Variants in TNRC6B observed in about 807,000 individuals in gnomAD.
TNRC6B encodes trinucleotide repeat containing adaptor 6B, also known as trinucleotide repeat-containing gene 6B protein.
TNRC6B carries 52 observed loss-of-function variants against 203.6 expected under a neutral mutation model. The observed-to-expected ratio is 0.26, with a 90% confidence interval of 0.20 to 0.32. TNRC6B has a LOEUF of 0.32. Ranked by LOEUF, TNRC6B falls within the 10% of genes least tolerant of loss-of-function variation. The probability of loss-of-function intolerance (pLI) is 1.00; values close to 1 mark genes in which losing one functional copy is unlikely to be tolerated. For synonymous variants in TNRC6B, 838 were observed against 845.7 expected, an observed-to-expected ratio of 0.99 and a Z score of 0.16; for missense variants, 1,923 against 2,286.2, an observed-to-expected ratio of 0.84 and a Z score of 3.24.
At chr22:40,191,942 G>C (rs1235294052) in intron 1 of TNRC6B, among the ~76,000 whole-genome samples, 1 of 152,138 alleles carries the variant, frequency 6.6e-6, no homozygotes, top group Non-Finnish European at 1.5e-5. Context: ...GTAGAGACGG[G>C]GTTTCGCCAT....
intron 15 of TNRC6B, among the ~76,000 whole-genome samples, chr22:40,303,154 T>C (rs1353923927): frequency 6.7e-6 from 1 of 148,210 alleles, no homozygotes; most frequent in Admixed American, 6.8e-5. Context: ...CTCAGCCTCC[T>C]GAGTAGATGG....
chr22:40,168,331 T>C (rs978914369), intron 4 of TNRC6B, among the ~76,000 whole-genome samples: 1 of 152,174 alleles, frequency 6.6e-6, no homozygotes, highest in African/African-American at 2.4e-5. Context: ...CTCTTAAGGG[T>C]CCATTGTTTA....
intron 1 of TNRC6B, among the ~76,000 whole-genome samples, chr22:40,233,770 C>A (rs927520844): frequency 2.0e-5 from 3 of 152,294 alleles, no homozygotes; most frequent in African/African-American, 7.2e-5. Context: ...TGCCATATTT[C>A]ATGGATTCTG....
At chr22:40,228,595 C>G (rs2069824365) in intron 1 of TNRC6B, among the ~76,000 whole-genome samples, 1 of 150,196 alleles carries the variant, frequency 6.7e-6, no homozygotes, top group South Asian at 2.1e-4. Flanking sequence ...TCTCGGCTCA[C>G]TGCAACCTCC....
rs1374706976 is a variant in TNRC6B, at chr22:40,334,641, T to G, written c.*11400T>G. 1 of 152,640 alleles carries G rather than the reference T, an allele frequency of 6.6e-6. No homozygotes were observed. The highest frequency in any genetic ancestry group is 1.9e-4 in the East Asian group (1 of 5,198). The allele number at this position is 152,640 out of a possible 1,614,324, so 9.5% of individuals were successfully genotyped here. ...TTCCATAATCCTAGGGGGCTATGTT[T>G]ACATAGTAAAATACATCCTACCAAA... On this transcript the variant is annotated 3_prime_UTR_variant, in exon 23 of 23. Coordinates refer to ENST00000454349, the MANE Select transcript of TNRC6B (RefSeq NM_001162501.2).
rs1179442426 is a variant in TNRC6B, at chr22:40,056,101, A to G, written c.-121+11103A>G. ...TCCTATCCATTTTTCTCTCCCTGTT[A>G]CTCTTAAGTAGTGTCTCCTTTCCCC... On this transcript the variant is annotated intron_variant, in intron 1 of 23. Transcript: ENST00000301923. Among the ~76,000 whole-genome samples the G allele has an allele frequency of 2.6e-5, 4 of 151,858 alleles. No homozygotes were observed. In the East Asian group the frequency reaches 7.8e-4, roughly 30 times the overall value.
chr22:40,320,637 A>G (rs2071322924), intron 21 of TNRC6B, among the ~76,000 whole-genome samples: 1 of 152,238 alleles, frequency 6.6e-6, no homozygotes, highest in African/African-American at 2.4e-5. Context: ...TTTGGTCAAA[A>G]TGCCTGATGT....
At position 40,118,379 on chromosome 22, in the gene TNRC6B, G is replaced by A. The variant is rs911276832; in HGVS notation, c.-47+1251G>A. Among the ~76,000 whole-genome samples the A allele has an allele frequency of 3.3e-5, 5 of 152,080 alleles. No individual in the cohort carries two copies. The South Asian group carries it at 1.0e-3, about 32-fold the overall frequency. On this transcript the variant is annotated intron_variant, in intron 2 of 23. Coordinates refer to the TNRC6B transcript ENST00000301923. Reference sequence around the variant, plus strand: ...TTTAGTCTTTATAACACCTTTTCCTGCACAGCTTTATGGATGAAAATATCA... The same window carrying A: ...TTTAGTCTTTATAACACCTTTTCCTACACAGCTTTATGGATGAAAATATCA...
At chr22:40,271,573 G>A (rs142445666) in intron 6 of TNRC6B, among the ~76,000 whole-genome samples, 25 of 152,110 alleles carry the variant, frequency 1.6e-4, no homozygotes, top group East Asian at 1.5e-3. Context: ...GAAATCAGTC[G>A]TATCATCATG....
chr22:40,262,121 C>A lies in TNRC6B; in HGVS notation c.405C>A (p.Asn135Lys). ...GCACAGCACCTGGAGCAAACCCAAA[C>A]AACGCACAAGTGACAGGAGCGCTGC... ...PPCTAPGANP[N>K]NAQVTGALLQ... Residue 135 changes from asparagine to lysine, a missense_variant, in exon 4 of 23, where the codon AAC becomes AAA. Asn to Lys is a moderately conservative substitution (Grantham distance 94). This residue lies in a region of TNRC6B where 614 missense variants were observed against 587.7 expected (regional missense o/e 1.04). Transcript: ENST00000454349. The A allele has an allele frequency of 6.6e-7, 1 of 1,506,996 alleles. No individual in the cohort carries two copies. Among genetic ancestry groups the A allele is most frequent in the Admixed American group, 1.8e-5 (1 of 55,452 alleles). The allele number at this position is 1,506,996 out of a possible 1,614,324, so 93.4% of individuals were successfully genotyped here.
Position 40,323,238 on chromosome 22 carries a change from C to G in TNRC6B, c.5499C>G (p.Ile1833Met), listed in dbSNP as rs1037566877. 5 of 1,609,962 alleles carry G rather than the reference C, an allele frequency of 3.1e-6. No individual in the cohort carries two copies. In the African/African-American group the frequency reaches 5.3e-5, roughly 17 times the overall value. ...TTCTGGGAGGAGGGTCGGATTCAATCTGAACTTAGAACTTTCAACTCTGAC... is the reference window on the plus strand; with the variant it reads ...TTCTGGGAGGAGGGTCGGATTCAATGTGAACTTAGAACTTTCAACTCTGAC... ...GDLLGGGSDSI is the reference protein window; with the variant it reads ...GDLLGGGSDSM Residue 1833 changes from isoleucine to methionine, a missense_variant, in exon 23 of 23, where the codon ATC becomes ATG. This residue lies in a region of TNRC6B where 126 missense variants were observed against 137.5 expected (regional missense o/e 0.92). Transcript: ENST00000454349.
chr22:40,187,767 C>A (rs1012607296), intron 1 of TNRC6B, among the ~76,000 whole-genome samples: 26 of 152,106 alleles, frequency 1.7e-4, no homozygotes, highest in African/African-American at 6.0e-4. Context: ...TACTTTTTGC[C>A]GACCTGGGCC....
At chr22:40,169,321 G>A (rs373004787) in intron 4 of TNRC6B, among the ~76,000 whole-genome samples, 28 of 151,626 alleles carry the variant, frequency 1.8e-4, no homozygotes, top group African/African-American at 5.3e-4. Context: ...TAGTAGAGAC[G>A]GGGTTTCACC....
intron 3 of TNRC6B, among the ~76,000 whole-genome samples, chr22:40,127,355 G>T (rs1447943704): frequency 1.3e-5 from 2 of 151,998 alleles, no homozygotes; most frequent in East Asian, 3.9e-4. Context: ...TCTTCTTTCC[G>T]TAGCTAAAGC....
chr22:40,304,575 TTA>T (rs2071066723), intron 15 of TNRC6B, among the ~76,000 whole-genome samples: 1 of 152,206 alleles, frequency 6.6e-6, no homozygotes, highest in South Asian at 2.1e-4. Context: ...ATCTACTTAT[TTA>T]TATGAGTCAA....
chr22:40,301,657 GAATTCATCCCTT>G (rs766572750), intron 15 of TNRC6B, among the ~76,000 whole-genome samples: 57 of 152,100 alleles, frequency 3.7e-4, no homozygotes, highest in Non-Finnish European at 6.2e-4. Flanking sequence ...GCACATATCA[GAATTCATCCCTT>G]TCTAAGGCTG....
intron 17 of TNRC6B, among the ~76,000 whole-genome samples, chr22:40,312,083 T>A (rs1378407029): frequency 1.3e-5 from 2 of 152,268 alleles, no homozygotes; most frequent in Admixed American, 6.5e-5. Flanking sequence ...ATTACATTTT[T>A]TGCATTTTGG....
At chr22:40,228,829 AGGCTGT>A (rs1374430728) in intron 1 of TNRC6B, among the ~76,000 whole-genome samples, 1 of 152,002 alleles carries the variant, frequency 6.6e-6, no homozygotes, top group Non-Finnish European at 1.5e-5. Context: ...CAGCCCCAGG[AGGCTGT>A]TTCTTAGCCT....
intron 1 of TNRC6B, among the ~76,000 whole-genome samples, chr22:40,229,271 C>A (rs907005798): frequency 6.6e-6 from 1 of 152,174 alleles, no homozygotes; most frequent in Non-Finnish European, 1.5e-5. Flanking sequence ...ACCTGGCACC[C>A]ATCCTAGGAG....
Sources: allele counts gnomAD v4.1 joint callset (sites outside exome capture counted in the v4.1 genomes callset), GRCh38; gene constraint gnomAD v4.1.1; regional missense constraint gnomAD v4.1.1; transcripts MANE v1.5; gene names NCBI Gene and HGNC (gene_info 2026-07-23, HGNC 2026-07-21).